Variants in ZNF257 observed in about 807,000 individuals in gnomAD.
ZNF257 encodes zinc finger protein 257, also known as bone marrow zinc finger 4.
ZNF257 carries 12 observed loss-of-function variants against 11.9 expected under a neutral mutation model. The ratio of observed to expected loss-of-function variants is 1.01; its 90% CI spans 0.65 to 1.63. ZNF257 has a LOEUF of 1.63. Among genes scored for constraint, ZNF257 ranks in the 40% most tolerant of loss-of-function variants. ZNF257 has a pLI of 0.00. For synonymous variants in ZNF257, 183 were observed against 222.7 expected (o/e 0.82, Z 1.59); for missense variants, 580 against 665.5 (o/e 0.87, Z 1.41).
At chr19:22,067,825 C>T (rs1200790897) in intron 1 of ZNF257, among the ~76,000 whole-genome samples, 1 of 151,426 alleles carries the variant, frequency 6.6e-6, no homozygotes, top group East Asian at 1.9e-4. Context: ...CAGAGCGAGA[C>T]TCTATCTCAA....
intron 3 of ZNF257, chr19:22,075,649 A>G (rs2022208677): frequency 6.6e-6 from 1 of 152,260 alleles, no homozygotes; most frequent in Non-Finnish European, 1.5e-5. Context: ...TTTGCCACCA[A>G]AATGAGAGCC....
chr19:22,088,957 G>A lies in ZNF257; in HGVS notation c.1207G>A (p.Asp403Asn). The change falls in exon 4 of 4, where the codon GAT becomes AAT. Residue 403 changes from aspartate (D) to asparagine (N), a missense_variant. By Grantham distance (23) the Asp-to-Asn change is conservative (BLOSUM62 1). Coordinates refer to ENST00000594947, the MANE Select transcript of ZNF257 (RefSeq NM_033468.4). The part of the protein sequence containing the change: ...IHTREKAYKC[D>N]EYCKAFNWSS... ...TACTAGAGAGAAGGCCTACAAATGT[G>A]ATGAATATTGCAAAGCTTTTAACTG... is the stretch of plus-strand genomic sequence containing the variant. The A allele has an allele frequency of 6.2e-7, 1 of 1,610,736 alleles. No homozygotes were observed. The highest frequency in any genetic ancestry group is 1.7e-5 in the Admixed American group (1 of 59,530).
intron 3 of ZNF257, among the ~76,000 whole-genome samples, chr19:22,074,927 C>G (rs1219990763): frequency 6.6e-6 from 1 of 152,120 alleles, no homozygotes; most frequent in Non-Finnish European, 1.5e-5. Context: ...TACTTCAGTG[C>G]TATGTTAAAA....
intron 1 of ZNF257, among the ~76,000 whole-genome samples, chr19:22,054,277 C>G (rs540857635): frequency 6.6e-6 from 1 of 152,008 alleles, no homozygotes; most frequent in African/African-American, 2.4e-5. Context: ...TTCATGTGGG[C>G]TAGGCTGGTC....
intron 1 of ZNF257, among the ~76,000 whole-genome samples, chr19:22,057,200 A>G (rs191999025): frequency 7.9e-5 from 12 of 152,340 alleles, no homozygotes; most frequent in African/African-American, 2.9e-4. Context: ...GGTATGAAAT[A>G]TAAGCACCTT....
intron 1 of ZNF257, chr19:22,064,206 T>C (rs1414785392): frequency 1.3e-5 from 2 of 152,018 alleles, no homozygotes; most frequent in African/African-American, 4.8e-5. Context: ...TAGAAAAAAA[T>C]ATAAATTAGA....
chr19:22,072,757 G>A (rs1293098524), intron 1 of ZNF257, 52 bp from the exon 2 acceptor site: 1 of 1,584,970 alleles, frequency 6.3e-7, no homozygotes, highest in Non-Finnish European at 8.6e-7. Flanking sequence ...TAAAAATTCT[G>A]TCCCTGACCA....
intron 1 of ZNF257, among the ~76,000 whole-genome samples, chr19:22,069,450 TAAAAAAA>T (rs905279723): frequency 6.6e-6 from 1 of 151,412 alleles, no homozygotes; most frequent in Non-Finnish European, 1.5e-5. Flanking sequence ...CCATCTCTAC[TAAAAAAA>T]ATAAAAAATT....
At chr19:22,073,072 C>A in intron 2 of ZNF257, 137 bp downstream of exon 2, 1 of 1,077,100 alleles carries the variant, frequency 9.3e-7, no homozygotes, top group Non-Finnish European at 1.3e-6. Context: ...GTTTCATATC[C>A]CTGTTTTCAA....
At chr19:22,077,765 TTATAGA>T (rs1337327953) in intron 3 of ZNF257, among the ~76,000 whole-genome samples, 1 of 152,146 alleles carries the variant, frequency 6.6e-6, no homozygotes, top group Non-Finnish European at 1.5e-5. Flanking sequence ...GTGTTGCATA[TTATAGA>T]TATAGATTCA....
intron 3 of ZNF257, among the ~76,000 whole-genome samples, chr19:22,085,115 C>A (rs758635439): frequency 6.6e-6 from 1 of 151,854 alleles, no homozygotes; most frequent in Non-Finnish European, 1.5e-5. Context: ...TTCAGTGGCG[C>A]GATTTCTGCT....
rs62110982 is a variant in ZNF257, at chr19:22,067,809, G to A, written c.4-5000G>A. Among the ~76,000 whole-genome samples, 5 of 152,024 alleles carry A rather than the reference G, an allele frequency of 3.3e-5. No individual in the cohort carries two copies. In the South Asian group the frequency reaches 1.0e-3, roughly 32 times the overall value. ...AGATCGCGCCACTGCACTCCAGCCT[G>A]GGTGACAGAGCGAGACTCTATCTCA... On this transcript the variant is annotated intron_variant, in intron 1 of 3. Coordinates refer to ENST00000594947, the MANE Select transcript of ZNF257 (RefSeq NM_033468.4).
In ZNF257 at chr19:22,052,562, CTG is replaced by C; in HGVS notation, c.-68_-67del. On this transcript the variant is annotated 5_prime_UTR_variant, in exon 1 of 4. Transcript: ENST00000594947. ...TCCTCTTCTCCTAGGGGCCCAGCCT[CTG>C]TGGCCCTGTGACCTGCAGGTATTGG... 2 of 1,566,794 alleles carry C rather than the reference CTG, an allele frequency of 1.3e-6. No individual in the cohort carries two copies. The highest frequency in any genetic ancestry group is 1.7e-6 in the Non-Finnish European group (2 of 1,143,760).
At chr19:22,074,377 G>A (rs2022177930) in intron 3 of ZNF257, 1 of 151,848 alleles carries the variant, frequency 6.6e-6, no homozygotes, top group African/African-American at 2.4e-5. Context: ...TTGAGATGGA[G>A]GTTCACTCTT....
rs1555759449 is a variant in ZNF257, at chr19:22,072,994, A to AC, written c.130+59_130+60insC. Reference sequence around the variant, plus strand: ...ACTCCAAAGGCTTTATTTTTTATTTATTTTTTTTTTTGTAGAATGTTTTTT... The same window carrying AC: ...ACTCCAAAGGCTTTATTTTTTATTTACTTTTTTTTTTTGTAGAATGTTTTTT... On this transcript the variant is annotated intron_variant, in intron 2 of 3. Coordinates refer to ENST00000594947, the MANE Select transcript of ZNF257 (RefSeq NM_033468.4). The AC allele has an allele frequency of 6.0e-4, 706 of 1,174,382 alleles. 5 individuals carry two copies. The African/African-American group carries it at 0.012, about 20-fold the overall frequency. The allele number at this position is 1,174,382 out of a possible 1,614,324, so 72.7% of individuals were successfully genotyped here.
chr19:22,087,883 T>C, intron 3 of ZNF257, 94 bp from the exon 4 acceptor site: 1 of 1,132,776 alleles, frequency 8.8e-7, no homozygotes, highest in South Asian at 3.1e-5. Flanking sequence ...GCCATCTTCC[T>C]TATGTAGTAT....
At chr19:22,074,303 A>G (rs2079338749) in intron 3 of ZNF257, 1 of 152,106 alleles carries the variant, frequency 6.6e-6, no homozygotes, top group Non-Finnish European at 1.5e-5. Context: ...CTTTCAGTGT[A>G]AAGAGTTTTT....
chr19:22,088,833 A>G lies in ZNF257; in HGVS notation c.1083A>G (p.Gln361=), dbSNP rs889223444. 1.2e-6 allele frequency: 2 copies of G among 1,608,390 alleles called. No homozygotes were observed. The highest frequency in any genetic ancestry group is 1.7e-4 in the Middle Eastern group (1 of 6,040). The change falls in exon 4 of 4, where the codon CAA becomes CAG. Residue 361 remains glutamine (Q), a synonymous_variant. Coordinates refer to ENST00000594947, the MANE Select transcript of ZNF257 (RefSeq NM_033468.4). ...TTAACCGGTCTTCACACCTTACTCA[A>G]CATAAGATAATTCATACTAAAGAGA... The part of the protein sequence containing the change: ...KAFNRSSHLT[Q]HKIIHTKEKP...
chr19:22,075,866 C>T (rs1045036557), intron 3 of ZNF257: 3 of 152,144 alleles, frequency 2.0e-5, no homozygotes, highest in African/African-American at 7.2e-5. Flanking sequence ...GCCATGAGGC[C>T]TGGTACTCTC....
Sources: gnomAD v4.1 joint callset for allele counts (sites outside exome capture counted in the v4.1 genomes callset) on GRCh38, gnomAD v4.1.1 for gene constraint, MANE v1.5 for transcripts, NCBI Gene and HGNC (gene_info 2026-07-23, HGNC 2026-07-21) for gene names.